Variants in ANO4 observed in about 807,000 individuals in gnomAD.
ANO4 encodes anoctamin-4.
In ANO4, 69 loss-of-function variants were observed where a neutral mutation model predicts 141.9. The observed-to-expected ratio is 0.49, with a 90% CI of 0.40 to 0.59. The LOEUF (loss-of-function observed/expected upper bound fraction) is 0.59, where lower values mean the gene tolerates loss of function less well. Among genes scored for constraint, ANO4 ranks in the 20% least tolerant of loss-of-function variants. The probability of loss-of-function intolerance (pLI) is 0.00; values close to 1 mark genes in which losing one functional copy is unlikely to be tolerated. For missense variants in ANO4, 894 were observed against 1,162.2 expected, an observed-to-expected ratio of 0.77 and a Z score of 3.36; for synonymous variants, 350 against 394.3, an observed-to-expected ratio of 0.89 and a Z score of 1.33.
chr12:100,903,310 C>T (rs914291288), intron 2 of ANO4, among the ~76,000 whole-genome samples: 15 of 152,120 alleles, frequency 9.9e-5, no homozygotes, highest in African/African-American at 1.7e-4. Flanking sequence ...TTATTTCTCT[C>T]GCATGTAACT....
At chr12:100,907,392 T>C (rs1294369624) in intron 2 of ANO4, among the ~76,000 whole-genome samples, 1 of 152,190 alleles carries the variant, frequency 6.6e-6, no homozygotes, top group Non-Finnish European at 1.5e-5. Flanking sequence ...CAAATTCCGC[T>C]TCCTCCAAGA....
chr12:101,068,998 G>T, intron 14 of ANO4: 1 of 789,172 alleles, frequency 1.3e-6, no homozygotes, highest in Non-Finnish European at 2.3e-6. Context: ...CAAAGCTCTG[G>T]ATAAGGCCCA....
intron 3 of ANO4, among the ~76,000 whole-genome samples, chr12:100,779,351 C>T (rs184423178): frequency 6.6e-6 from 1 of 152,338 alleles, no homozygotes; most frequent in East Asian, 1.9e-4. Context: ...CTGGTTCATA[C>T]TGGGCATTCA....
At chr12:100,773,019 A>G (rs1446100868) in intron 3 of ANO4, among the ~76,000 whole-genome samples, 1 of 152,220 alleles carries the variant, frequency 6.6e-6, no homozygotes, top group Non-Finnish European at 1.5e-5. Flanking sequence ...TTAGGCTACT[A>G]TAACAAAATA....
intron 3 of ANO4, among the ~76,000 whole-genome samples, chr12:100,777,917 C>A (rs1375643647): frequency 8.3e-6 from 1 of 119,894 alleles, no homozygotes; most frequent in African/African-American, 3.3e-5. Flanking sequence ...ATAATGCTTA[C>A]AATTTTTTTT....
chr12:100,944,625 C>T (rs764568509), intron 5 of ANO4, among the ~76,000 whole-genome samples: 18 of 152,084 alleles, frequency 1.2e-4, no homozygotes, highest in Non-Finnish European at 1.6e-4. Flanking sequence ...TGACCTCTCC[C>T]GCTGCCTGGC....
At chr12:101,046,949 C>T (rs2047655979) in intron 13 of ANO4, among the ~76,000 whole-genome samples, 2 of 152,198 alleles carry the variant, frequency 1.3e-5, no homozygotes, top group Non-Finnish European at 2.9e-5. Context: ...TAGCAACTCT[C>T]AGTAAATACT....
chr12:101,103,169 C>A (rs1299901118), intron 22 of ANO4, among the ~76,000 whole-genome samples: 1 of 110,560 alleles, frequency 9.0e-6, no homozygotes, highest in African/African-American at 3.8e-5. Context: ...TTTACATTTT[C>A]CTTTTTAGTC....
intron 12 of ANO4, among the ~76,000 whole-genome samples, 180 bp from the exon 13 acceptor site, chr12:101,043,359 G>C (rs1031902749): frequency 4.6e-5 from 7 of 152,158 alleles, no homozygotes; most frequent in Non-Finnish European, 8.8e-5. Flanking sequence ...TCATAAGTAG[G>C]TTTACCAAAT....
At position 100,972,457 on chromosome 12, in the gene ANO4, G is replaced by A. The variant is rs532028106; in HGVS notation, c.557+1051G>A. On this transcript the variant is annotated intron_variant, in intron 6 of 27. Transcript: ENST00000392977. ...GTCAAAATAGAGGCTATGATTTCTA[G>A]CATCTGTTTTCCTGGAGGCAAAATT... Among the ~76,000 whole-genome samples the A allele has an allele frequency of 9.9e-5, 15 of 152,146 alleles. No homozygotes were observed. The South Asian group carries it at 3.1e-3, about 32-fold the overall frequency.
chr12:100,788,511 G>A (rs887547150), intron 3 of ANO4, among the ~76,000 whole-genome samples: 1 of 152,088 alleles, frequency 6.6e-6, no homozygotes, highest in African/African-American at 2.4e-5. Context: ...GGTGTTACAC[G>A]TTATTATGTA....
At chr12:101,113,691 A>C (rs2050747783) in intron 24 of ANO4, among the ~76,000 whole-genome samples, 1 of 152,222 alleles carries the variant, frequency 6.6e-6, no homozygotes, top group Non-Finnish European at 1.5e-5. Context: ...TGAACTCATA[A>C]GAGTAGCAGA....
At chr12:100,900,558 T>G (rs1593689663) in intron 1 of ANO4, among the ~76,000 whole-genome samples, 1 of 151,106 alleles carries the variant, frequency 6.6e-6, no homozygotes, top group South Asian at 2.1e-4. Flanking sequence ...AGTGTTTGGG[T>G]TTTTCTGTCC....
intron 1 of ANO4, among the ~76,000 whole-genome samples, chr12:100,819,613 G>T (rs1036975471): frequency 6.6e-6 from 1 of 151,890 alleles, no homozygotes; most frequent in East Asian, 1.9e-4. Flanking sequence ...ATTCTTGGTG[G>T]TAATTAGTGA....
intron 14 of ANO4, among the ~76,000 whole-genome samples, chr12:101,074,982 A>G (rs952604372): frequency 6.6e-6 from 1 of 152,158 alleles, no homozygotes; most frequent in African/African-American, 2.4e-5. Context: ...CAAACTAGTC[A>G]TAGATATGAT....
intron 1 of ANO4, among the ~76,000 whole-genome samples, chr12:100,860,315 G>C (rs1333308211): frequency 6.6e-6 from 1 of 152,170 alleles, no homozygotes; most frequent in Non-Finnish European, 1.5e-5. Flanking sequence ...ACCAGGGATT[G>C]TGAAGAGTTT....
chr12:100,944,624 C>T, intron 5 of ANO4, among the ~76,000 whole-genome samples: 1 of 152,052 alleles, frequency 6.6e-6, no homozygotes, highest in East Asian at 1.9e-4. Flanking sequence ...GTGACCTCTC[C>T]CGCTGCCTGG....
intron 1 of ANO4, among the ~76,000 whole-genome samples, chr12:100,725,566 T>A (rs2031079599): frequency 6.6e-6 from 1 of 152,050 alleles, no homozygotes; most frequent in Non-Finnish European, 1.5e-5. Context: ...CAGGATGGTC[T>A]CAATCTCCTG....
intron 14 of ANO4, among the ~76,000 whole-genome samples, chr12:101,075,059 G>A (rs1207702177): frequency 6.6e-6 from 1 of 152,134 alleles, no homozygotes; most frequent in Non-Finnish European, 1.5e-5. Context: ...CTGACCTAGA[G>A]TTGTGTGCAC....
Sources: allele counts gnomAD v4.1 joint callset (sites outside exome capture counted in the v4.1 genomes callset), GRCh38; gene constraint gnomAD v4.1.1; transcripts MANE v1.5; gene names NCBI Gene and HGNC (gene_info 2026-07-23, HGNC 2026-07-21).